MYO5A: variants seen among roughly 807,000 people sequenced by gnomAD.
The protein encoded by MYO5A is unconventional myosin-Va.
A neutral mutation model predicts 249.7 loss-of-function variants in MYO5A; 98 were observed. The ratio of observed to expected loss-of-function variants is 0.39; its 90% CI spans 0.33 to 0.46. The LOEUF (loss-of-function observed/expected upper bound fraction) is 0.46, where lower values mean the gene tolerates loss of function less well. Ranked by LOEUF, MYO5A falls within the 20% of genes least tolerant of loss-of-function variation. The pLI is 0.98. For synonymous variants in MYO5A, 778 were observed against 810.6 expected, an observed-to-expected ratio of 0.96 and a Z score of 0.68; for missense variants, 1,696 against 2,308.8, an observed-to-expected ratio of 0.73 and a Z score of 5.44.
intron 27 of MYO5A, among the ~76,000 whole-genome samples, chr15:52,353,051 AAC>A (rs1219303471): frequency 2.0e-5 from 3 of 152,176 alleles, no homozygotes; most frequent in African/African-American, 7.2e-5. Context: ...GTCTTGTTCA[AAC>A]ACAGATTGCT....
intron 18 of MYO5A, among the ~76,000 whole-genome samples, chr15:52,377,574 C>CTTTT (rs71130155): frequency 7.1e-6 from 1 of 139,884 alleles, no homozygotes. Flanking sequence ...ACCTGGAATT[C>CTTTT]TTTTTTTTTT....
chr15:52,330,826 T>C (rs1028202418), intron 34 of MYO5A, among the ~76,000 whole-genome samples: 1 of 152,230 alleles, frequency 6.6e-6, no homozygotes, highest in Non-Finnish European at 1.5e-5. Flanking sequence ...TTTAACAGAT[T>C]TGTTAATTAA....
chr15:52,384,226 CAGG>C lies in MYO5A; in HGVS notation c.1846_1848del (p.Pro616del), dbSNP rs2141137662. ...CCTGGTCTGCCTTTGGTGGGCTTTG[CAGG>C]AGTTCGTGTGAGGGGTGTGCGCCCT... On this transcript the variant is annotated inframe_deletion, in exon 15 of 42. Coordinates refer to ENST00000399233, the MANE Select transcript of MYO5A (RefSeq NM_001382347.1). The C allele has an allele frequency of 6.2e-7, 1 of 1,614,182 alleles. No individual in the cohort carries two copies. The highest frequency in any genetic ancestry group is 2.2e-5 in the East Asian group (1 of 44,878).
In MYO5A at chr15:52,336,569, A is replaced by G; in HGVS notation, c.4315-13T>C. The stretch of plus-strand genomic sequence containing the variant: ...GTTCCATCAAATCCTAAAGATCAAA[A>G]AGAGAAATATATTAGAAAAATCGAA... On this transcript the variant is annotated splice_polypyrimidine_tract_variant and intron_variant, in intron 33 of 41. Transcript: ENST00000399233. 6.4e-7 allele frequency: 1 copy of G among 1,572,202 alleles called. No individual in the cohort carries two copies.
intron 4 of MYO5A, 51 bp downstream of exon 4, chr15:52,425,779 A>AT (rs1236589510): frequency 1.3e-6 from 2 of 1,596,050 alleles, no homozygotes; most frequent in Non-Finnish European, 1.7e-6. Flanking sequence ...GCAAGAAGAA[A>AT]TTATCATATC....
intron 1 of MYO5A, among the ~76,000 whole-genome samples, chr15:52,521,376 A>T (rs556743943): frequency 3.3e-5 from 5 of 152,086 alleles, no homozygotes; most frequent in Admixed American, 3.3e-4. Context: ...TTTCATGTAC[A>T]TTTGTCAAGA....
At chr15:52,386,245 G>A (rs1264402544) in intron 14 of MYO5A, among the ~76,000 whole-genome samples, 1 of 152,028 alleles carries the variant, frequency 6.6e-6, no homozygotes, top group Non-Finnish European at 1.5e-5. Flanking sequence ...GGAGGTCGAG[G>A]CTGCAGTGAG....
chr15:52,478,711 G>A (rs903454188), intron 1 of MYO5A, among the ~76,000 whole-genome samples: 11 of 152,216 alleles, frequency 7.2e-5, no homozygotes, highest in African/African-American at 2.4e-4. Context: ...TGAAAAATAC[G>A]TGAGAAGCGT....
At chr15:52,386,236 G>A (rs1459673089) in intron 14 of MYO5A, among the ~76,000 whole-genome samples, 1 of 151,984 alleles carries the variant, frequency 6.6e-6, no homozygotes, top group Non-Finnish European at 1.5e-5. Context: ...CTGAGCCAGG[G>A]AGGTCGAGGC....
Position 52,396,441 on chromosome 15 carries a change from A to C in MYO5A, c.1320-44T>G, listed in dbSNP as rs148405439. The C allele has an allele frequency of 3.1e-3, 3,577 of 1,145,318 alleles. 7 individuals are homozygous for C. Among genetic ancestry groups the C allele is most frequent in the Middle Eastern group, 6.1e-3 (31 of 5,052 alleles). The allele number at this position is 1,145,318 out of a possible 1,614,324, so 70.9% of individuals were successfully genotyped here. A position where few individuals can be genotyped will look rare whatever the true frequency, so the allele number is the denominator to read the frequency against. On this transcript the variant is annotated intron_variant, in intron 10 of 41. Transcript: ENST00000399233. ...TATGAAAAGGGGAGAAAAGGAACAA[A>C]AAGCTTTTTAAAAATATTCAAAATA...
intron 1 of MYO5A, among the ~76,000 whole-genome samples, chr15:52,520,746 T>A (rs997313595): frequency 1.3e-5 from 2 of 152,204 alleles, no homozygotes; most frequent in African/African-American, 4.8e-5. Flanking sequence ...ACCCAGACCC[T>A]CTCTATTTAC....
chr15:52,372,494 T>A (rs1367700099), intron 20 of MYO5A, 131 bp from the exon 21 acceptor site: 1 of 1,222,736 alleles, frequency 8.2e-7, no homozygotes, highest in Non-Finnish European at 1.2e-6. Context: ...CAATGTACTA[T>A]GTAGATTATA....
intron 1 of MYO5A, among the ~76,000 whole-genome samples, chr15:52,490,375 G>T (rs1025099879): frequency 6.6e-6 from 1 of 152,174 alleles, no homozygotes; most frequent in African/African-American, 2.4e-5. Flanking sequence ...CAAAAATGTG[G>T]TGTATTTACT....
intron 9 of MYO5A, among the ~76,000 whole-genome samples, chr15:52,403,635 C>T (rs1403406501): frequency 6.6e-6 from 1 of 152,092 alleles, no homozygotes; most frequent in Non-Finnish European, 1.5e-5. Context: ...GTGATGGTTG[C>T]ACATATCTGT....
chr15:52,524,988 T>C (rs1289538769), intron 1 of MYO5A, among the ~76,000 whole-genome samples: 2 of 152,132 alleles, frequency 1.3e-5, no homozygotes, highest in African/African-American at 4.8e-5. Flanking sequence ...AGGAATAGCA[T>C]GCCATTCATT....
chr15:52,527,811 A>G (rs1401409038), intron 1 of MYO5A, among the ~76,000 whole-genome samples: 4 of 152,226 alleles, frequency 2.6e-5, no homozygotes, highest in Non-Finnish European at 5.9e-5. Context: ...TGATTACAGG[A>G]CCCTAAATGA....
intron 5 of MYO5A, among the ~76,000 whole-genome samples, chr15:52,413,477 G>A (rs1456519042): frequency 6.6e-6 from 1 of 152,122 alleles, no homozygotes; most frequent in African/African-American, 2.4e-5. Context: ...AGAATAATGT[G>A]CATATCTCTT....
chr15:52,435,621 G>A (rs1350323205), intron 1 of MYO5A: 1 of 453,906 alleles, frequency 2.2e-6, no homozygotes, highest in East Asian at 7.0e-5. Flanking sequence ...CCTTCCTATT[G>A]GGAAGCTGCT....
At chr15:52,385,841 G>A (rs1162735960) in intron 14 of MYO5A, among the ~76,000 whole-genome samples, 1 of 152,134 alleles carries the variant, frequency 6.6e-6, no homozygotes, top group Admixed American at 6.5e-5. Context: ...AGCAGAGGAA[G>A]CCTCCAAGCT....
Sources: allele counts gnomAD v4.1 joint callset (sites outside exome capture counted in the v4.1 genomes callset), GRCh38; gene constraint gnomAD v4.1.1; transcripts MANE v1.5; gene names NCBI Gene and HGNC (gene_info 2026-07-23, HGNC 2026-07-21).